PHF20L1: variants seen among roughly 807,000 people sequenced by gnomAD.
The protein encoded by PHF20L1 is PHD finger protein 20-like protein 1.
A neutral mutation model predicts 125.5 loss-of-function variants in PHF20L1; 44 were observed. That is an observed-to-expected ratio of 0.35 (90% CI 0.28 to 0.45). The LOEUF is 0.45. Among genes scored for constraint, PHF20L1 ranks in the 20% least tolerant of loss-of-function variants. The pLI is 1.00. For synonymous variants in PHF20L1, 380 were observed against 403.1 expected (o/e 0.94, Z 0.69); for missense variants, 1,012 against 1,217.2 (o/e 0.83, Z 2.51).
chr8:132,793,430 C>G (rs1323773971), intron 2 of PHF20L1, among the ~76,000 whole-genome samples: 1 of 152,074 alleles, frequency 6.6e-6, no homozygotes, highest in Non-Finnish European at 1.5e-5. Flanking sequence ...TATATAAAGT[C>G]CATTGTACTT....
intron 4 of PHF20L1, among the ~76,000 whole-genome samples, chr8:132,796,323 G>A (rs1005087180): frequency 6.6e-6 from 1 of 152,032 alleles, no homozygotes; most frequent in Non-Finnish European, 1.5e-5. Context: ...GAAGTGTCAT[G>A]TAATCTTGCT....
In PHF20L1 at chr8:132,848,201, T is replaced by G. The variant is rs1321399259; in HGVS notation, c.*2278T>G. The G allele has an allele frequency of 1.3e-5, 2 of 152,126 alleles. No homozygotes were observed. The highest frequency in any genetic ancestry group is 3.8e-4 in the East Asian group (2 of 5,200). The allele number at this position is 152,126 out of a possible 1,614,324, so 9.4% of individuals were successfully genotyped here. On this transcript the variant is annotated 3_prime_UTR_variant, in exon 21 of 21. Transcript: ENST00000395386. ...GTTAGCCAGCAAATTGAAAATTCCA[T>G]TATTAGATTAATGAAATTTTTGCTC...
intron 12 of PHF20L1, among the ~76,000 whole-genome samples, chr8:132,821,719 G>GT (rs1835624413): frequency 6.6e-6 from 1 of 151,806 alleles, no homozygotes; most frequent in African/African-American, 2.4e-5. Context: ...TACATTACTA[G>GT]TTTTTTGAGT....
chr8:132,807,696 C>A, intron 8 of PHF20L1: 1 of 454,546 alleles, frequency 2.2e-6, no homozygotes, highest in Non-Finnish European at 4.4e-6. Context: ...GAGCTCTGGG[C>A]TCTGTTCTAC....
chr8:132,824,133 T>G (rs184205690), intron 13 of PHF20L1, 73 bp downstream of exon 13: 96 of 916,842 alleles, frequency 1.0e-4, no homozygotes, highest in Non-Finnish European at 1.5e-4. Context: ...GTCTGCCCCT[T>G]ACTCTTTACC....
chr8:132,818,815 C>T (rs1191886198), intron 12 of PHF20L1: 2 of 151,472 alleles, frequency 1.3e-5, no homozygotes, highest in Non-Finnish European at 3.0e-5. Flanking sequence ...AATTTGTTAC[C>T]GTACTGAATA....
At chr8:132,835,335 G>C (rs947116574) in intron 15 of PHF20L1, among the ~76,000 whole-genome samples, 2 of 152,162 alleles carry the variant, frequency 1.3e-5, no homozygotes, top group African/African-American at 4.8e-5. Context: ...GTGCTCTGCT[G>C]ATTAGCCTCT....
In PHF20L1 at chr8:132,828,625, T is replaced by C. The variant is rs554114274; in HGVS notation, c.1744+3254T>C. Among the ~76,000 whole-genome samples the C allele has an allele frequency of 7.9e-5, 12 of 152,224 alleles. No homozygotes were observed. In the East Asian group the frequency reaches 2.1e-3, roughly 27 times the overall value. On this transcript the variant is annotated intron_variant, in intron 14 of 20. Transcript: ENST00000395386. Reference sequence around the variant, plus strand: ...TTTTATGAGGTAGTAGGTTAAGATATGTTTTGATTAACATAATTGGTTTAC... The same window carrying C: ...TTTTATGAGGTAGTAGGTTAAGATACGTTTTGATTAACATAATTGGTTTAC...
In PHF20L1 at chr8:132,780,891, T is replaced by C. The variant is rs1830348119; in HGVS notation, c.83+2980T>C. 2.0e-5 allele frequency among the ~76,000 whole-genome samples: 3 copies of C among 150,392 alleles called. No individual in the cohort carries two copies. The South Asian group carries it at 6.3e-4, about 32-fold the overall frequency. On this transcript the variant is annotated intron_variant, in intron 2 of 20. Transcript: ENST00000395386. Reference sequence around the variant, plus strand: ...ACAGAGTCTTTTCTGTTTCTCAGGCTGGGAGTGCAGTGGCGTGATCTTGGC... The same window carrying C: ...ACAGAGTCTTTTCTGTTTCTCAGGCCGGGAGTGCAGTGGCGTGATCTTGGC...
At chr8:132,815,148 AT>A (rs903086034) in intron 10 of PHF20L1, 6 of 282,782 alleles carry the variant, frequency 2.1e-5, no homozygotes, top group Middle Eastern at 1.0e-3. Context: ...TCAACTCATA[AT>A]CCAAGCATAC....
chr8:132,794,614 T>G, intron 3 of PHF20L1, 33 bp downstream of exon 3: 3 of 1,551,636 alleles, frequency 1.9e-6, no homozygotes, highest in Non-Finnish European at 2.7e-6. Flanking sequence ...TTGCTAGTTT[T>G]GCCAGCTATG....
chr8:132,831,559 T>C (rs1213505477), intron 14 of PHF20L1, among the ~76,000 whole-genome samples: 1 of 152,108 alleles, frequency 6.6e-6, no homozygotes, highest in Admixed American at 6.6e-5. Flanking sequence ...CACTGTATAA[T>C]TGGTGTGCCA....
intron 4 of PHF20L1, among the ~76,000 whole-genome samples, chr8:132,798,112 A>G (rs1305673425): frequency 1.3e-5 from 2 of 152,076 alleles, no homozygotes; most frequent in Non-Finnish European, 2.9e-5. Flanking sequence ...TGGGAAAGAC[A>G]TGGATGACCA....
intron 15 of PHF20L1, among the ~76,000 whole-genome samples, chr8:132,835,563 C>T (rs1485109009): frequency 2.0e-5 from 3 of 152,122 alleles, no homozygotes; most frequent in Admixed American, 2.0e-4. Flanking sequence ...ATTATACACA[C>T]ACGCCTAAAA....
chr8:132,809,177 T>G (rs188511864), intron 8 of PHF20L1: 7 of 152,154 alleles, frequency 4.6e-5, no homozygotes, highest in Non-Finnish European at 1.0e-4. Context: ...TATTTAGTTA[T>G]TTATTTAGAG....
chr8:132,825,264 G>A lies in PHF20L1; in HGVS notation c.1637G>A (p.Gly546Asp), dbSNP rs939295302. The A allele has an allele frequency of 6.3e-7, 1 of 1,583,934 alleles. No individual in the cohort carries two copies. Among genetic ancestry groups the A allele is most frequent in the Non-Finnish European group, 8.6e-7 (1 of 1,157,944 alleles). ...TAAAGTATTCACTTTTATCTTTTAGGTAAGAGAAAAGAAAAAGATAAGGAA... is the reference window on the plus strand; with the variant it reads ...TAAAGTATTCACTTTTATCTTTTAGATAAGAGAAAAGAAAAAGATAAGGAA... The part of the protein sequence containing the change: ...KLEDKSSTAF[G>D]KRKEKDKERR... The change falls in exon 14 of 21, where the codon GGT becomes GAT. Residue 546 changes from glycine (G) to aspartate (D), a missense_variant and splice_region_variant. By Grantham distance (94) the Gly-to-Asp change is moderately conservative (BLOSUM62 -1). This residue lies in a region of PHF20L1 where 320 missense variants were observed against 293.8 expected (regional missense o/e 1.09). Transcript: ENST00000395386.
At chr8:132,845,218 T>C (rs1170496762) in intron 20 of PHF20L1, among the ~76,000 whole-genome samples, 3 of 152,134 alleles carry the variant, frequency 2.0e-5, no homozygotes, top group Non-Finnish European at 2.9e-5. Flanking sequence ...TATAATCAAT[T>C]GCATTCTGCC....
intron 7 of PHF20L1, among the ~76,000 whole-genome samples, chr8:132,804,410 G>T (rs1455042012): frequency 6.6e-6 from 1 of 151,308 alleles, no homozygotes; most frequent in Non-Finnish European, 1.5e-5. Context: ...TTTTCTTCCT[G>T]CTTTTCTTTA....
chr8:132,791,662 A>T (rs1831721422), intron 2 of PHF20L1, among the ~76,000 whole-genome samples: 2 of 152,188 alleles, frequency 1.3e-5, no homozygotes, highest in African/African-American at 4.8e-5. Context: ...GACATTTTTG[A>T]TAATGGTAAT....
Sources: allele counts gnomAD v4.1 joint callset (sites outside exome capture counted in the v4.1 genomes callset), GRCh38; gene constraint gnomAD v4.1.1; regional missense constraint gnomAD v4.1.1; transcripts MANE v1.5; gene names NCBI Gene and HGNC (gene_info 2026-07-23, HGNC 2026-07-21).